Variants in PRDM15 observed in about 807,000 individuals in gnomAD.
PRDM15 encodes the protein PR/SET domain 15.
Under a neutral mutation model 128.6 loss-of-function variants are expected in PRDM15, and 64 were observed. The observed-to-expected ratio is 0.50, with a 90% CI of 0.41 to 0.61. The LOEUF is 0.61. PRDM15 is among the 20% of genes least tolerant of loss of function. The pLI, the probability that PRDM15 is intolerant of heterozygous loss-of-function variation, is 0.00. For missense variants in PRDM15, 1,242 were observed against 1,569.1 expected (o/e 0.79, Z 3.52); for synonymous variants, 615 against 621.8 (o/e 0.99, Z 0.16).
intron 18 of PRDM15, among the ~76,000 whole-genome samples, chr21:41,816,843 A>G (rs1319797744): frequency 2.0e-5 from 3 of 151,446 alleles, no homozygotes; most frequent in South Asian, 4.2e-4. Flanking sequence ...GCCTATTACC[A>G]ATGACCGAAG....
chr21:41,865,220 A>C (rs111954612), intron 1 of PRDM15, among the ~76,000 whole-genome samples: 4 of 151,112 alleles, frequency 2.6e-5, no homozygotes, highest in African/African-American at 9.8e-5. Flanking sequence ...CTCACTCCTC[A>C]GTCTTAGCTT....
At chr21:41,836,366 C>T (rs1671612417) in intron 9 of PRDM15, 102 bp downstream of exon 9, 16 of 1,348,852 alleles carry the variant, frequency 1.2e-5, no homozygotes, top group South Asian at 1.1e-4. Context: ...TGGCGCAGCT[C>T]GTGGGAGACG....
intron 11 of PRDM15, among the ~76,000 whole-genome samples, chr21:41,835,206 G>A (rs575625948): frequency 3.7e-4 from 56 of 152,272 alleles, no homozygotes; most frequent in African/African-American, 1.2e-3. Flanking sequence ...TACGCAGCTC[G>A]GCTGACAAAT....
At chr21:41,868,235 A>G (rs548954176) in intron 1 of PRDM15, among the ~76,000 whole-genome samples, 2 of 152,278 alleles carry the variant, frequency 1.3e-5, no homozygotes, top group Admixed American at 1.3e-4. Flanking sequence ...TCACTCACTC[A>G]TGGAAGGACA....
At chr21:41,878,957 G>A in intron 1 of PRDM15, 1 of 974,056 alleles carries the variant, frequency 1.0e-6, no homozygotes, top group Non-Finnish European at 1.2e-6. Context: ...AGGGGACGGG[G>A]GCGCGGAGCC....
At chr21:41,819,333 T>A (rs1479059303) in intron 18 of PRDM15, among the ~76,000 whole-genome samples, 1 of 151,400 alleles carries the variant, frequency 6.6e-6, no homozygotes. Context: ...ACACCCACCT[T>A]TCCCACACTC....
rs201057462 is a variant in PRDM15 at position 41,839,760 on chromosome 21, C to A, written c.734G>T (p.Arg245Leu). 1 of 1,614,260 alleles carries A rather than the reference C, an allele frequency of 6.2e-7. No homozygotes were observed. The highest frequency in any genetic ancestry group is 8.5e-7 in the Non-Finnish European group (1 of 1,180,050). ...CTCGGGCACTGCAGGGGGTTCCCCC[C>A]GGGGTGTGTCCTGCTCCTTCTCGGG... The part of the protein sequence containing the change: ...AAPEKEQDTP[R>L]GEPPAVPESE... The change falls in exon 7 of 24, where the codon CGG (arginine) becomes CTG (leucine). Residue 245 changes from arginine (R) to leucine (L), a missense_variant. Transcript: ENST00000398548.
chr21:41,872,224 T>C (rs1049366555), intron 1 of PRDM15, among the ~76,000 whole-genome samples: 1 of 152,226 alleles, frequency 6.6e-6, no homozygotes, highest in African/African-American at 2.4e-5. Flanking sequence ...TTCAAGCCTC[T>C]TTCTGCTGTA....
Position 41,810,276 on chromosome 21 carries a change from T to A in PRDM15, c.2530A>T (p.Met844Leu). ...GTGAGCTGAACGTGCTTCTGCAGCATGTACTCGGTCACGTACTTCTTGTCG... is the reference window on the plus strand; with the variant it reads ...GTGAGCTGAACGTGCTTCTGCAGCAAGTACTCGGTCACGTACTTCTTGTCG... ...VCDKKYVTEY[M>L]LQKHVQLTHD... Residue 844 changes from methionine (M) to leucine (L), a missense_variant, in exon 21 of 24, where the codon ATG becomes TTG. Physicochemically the swap from Met to Leu is conservative, Grantham distance 15. Around this residue, in one of 3 missense-constraint regions of PRDM15, gnomAD observed 602 missense variants for 788.3 expected, o/e 0.76. Coordinates refer to ENST00000398548, the MANE Select transcript of PRDM15 (RefSeq NM_001040424.3). This position sits in a 1 kb window ranked among gnomAD's most constrained non-coding sequence, Gnocchi z 6.4. 6.2e-7 allele frequency: 1 copy of A among 1,613,636 alleles called. No individual in the cohort carries two copies. Among genetic ancestry groups the A allele is most frequent in the Non-Finnish European group, 8.5e-7 (1 of 1,179,964 alleles).
chr21:41,867,148 C>G (rs1002842814), intron 1 of PRDM15: 1 of 361,892 alleles, frequency 2.8e-6, no homozygotes, highest in Admixed American at 4.5e-5. Context: ...CCAGAAACCT[C>G]ACTGACTATC....
In PRDM15 at chr21:41,832,796, G is replaced by T. The variant is rs1219715727; in HGVS notation, c.1366+2641C>A. On this transcript the variant is annotated intron_variant, in intron 11 of 23. Coordinates refer to ENST00000398548, the MANE Select transcript of PRDM15 (RefSeq NM_001040424.3). The surrounding 1 kb of genome is among the most constrained non-coding windows in gnomAD (Gnocchi z 4.2). ...TCCTGCCGCCCCGTGGAAGGCAATGGTGCTGCCAAGAGCTTCAGCTTTCTC... is the reference window on the plus strand; with the variant it reads ...TCCTGCCGCCCCGTGGAAGGCAATGTTGCTGCCAAGAGCTTCAGCTTTCTC... Among the ~76,000 whole-genome samples, 4 of 152,204 alleles carry T rather than the reference G, an allele frequency of 2.6e-5. No individual in the cohort carries two copies. Among genetic ancestry groups the T allele is most frequent in the African/African-American group, 9.7e-5 (4 of 41,438 alleles).
chr21:41,874,286 A>C (rs1053269490), intron 1 of PRDM15, among the ~76,000 whole-genome samples: 5 of 151,670 alleles, frequency 3.3e-5, no homozygotes, highest in African/African-American at 1.2e-4. Flanking sequence ...ACAGAATGAG[A>C]ATAGGCAGAG....
Position 41,801,171 on chromosome 21 carries a change from A to G in PRDM15, c.*69T>C. 2 of 1,492,268 alleles carry G rather than the reference A, an allele frequency of 1.3e-6. No individual in the cohort carries two copies. Among genetic ancestry groups the G allele is most frequent in the Admixed American group, 2.3e-5 (1 of 43,450 alleles). The allele number at this position is 1,492,268 out of a possible 1,614,324, so 92.4% of individuals were successfully genotyped here. ...ATGACTTTTTGTTTGTTTGGTATCC[A>G]GCAAACACATCTAAACAAATCCCAA... On this transcript the variant is annotated 3_prime_UTR_variant, in exon 24 of 24. Coordinates refer to ENST00000398548, the MANE Select transcript of PRDM15 (RefSeq NM_001040424.3).
intron 1 of PRDM15, among the ~76,000 whole-genome samples, chr21:41,868,092 T>C (rs1258675141): frequency 2.6e-5 from 4 of 152,130 alleles, no homozygotes; most frequent in Non-Finnish European, 2.9e-5. Context: ...CCTGTGACCT[T>C]TGAGATTGGC....
At chr21:41,824,327 C>T (rs73357711) in intron 13 of PRDM15, among the ~76,000 whole-genome samples, 18,974 of 152,116 alleles carry the variant, frequency 0.12, 1,292 homozygotes, top group Non-Finnish European at 0.14. Flanking sequence ...TGGGGCAATG[C>T]GACAGGGTGA....
intron 22 of PRDM15, among the ~76,000 whole-genome samples, chr21:41,803,715 G>A (rs1450908576): frequency 6.6e-6 from 1 of 152,152 alleles, no homozygotes; most frequent in Non-Finnish European, 1.5e-5. Context: ...GGCTGGGGCT[G>A]GAGCCGCCGT....
intron 6 of PRDM15, among the ~76,000 whole-genome samples, chr21:41,846,408 A>G (rs1287111141): frequency 1.3e-5 from 2 of 152,392 alleles, no homozygotes; most frequent in Non-Finnish European, 2.9e-5. Flanking sequence ...CTGAGTAGAT[A>G]AAAATGTTCT....
chr21:41,874,293 A>G (rs1467919389), intron 1 of PRDM15, among the ~76,000 whole-genome samples: 1 of 151,844 alleles, frequency 6.6e-6, no homozygotes, highest in Admixed American at 6.6e-5. Context: ...GAGAATAGGC[A>G]GAGAGCAAAG....
chr21:41,834,655 C>T (rs1601292834), intron 11 of PRDM15: 4 of 984,628 alleles, frequency 4.1e-6, no homozygotes, highest in South Asian at 2.8e-5. Context: ...TGCCACCCAC[C>T]ACTGGGAATG....
Sources: gnomAD v4.1 joint callset for allele counts (sites outside exome capture counted in the v4.1 genomes callset) on GRCh38, gnomAD v4.1.1 for gene constraint, gnomAD v4.1.1 regional missense constraint, Gnocchi (gnomAD v3.1) non-coding constraint, MANE v1.5 for transcripts, NCBI Gene and HGNC (gene_info 2026-07-23, HGNC 2026-07-21) for gene names.